POR: variants seen among roughly 807,000 people sequenced by gnomAD.
The protein encoded by POR is NADPH--cytochrome P450 reductase.
POR carries 56 observed loss-of-function variants against 84.0 expected under a neutral mutation model. The ratio of observed to expected loss-of-function variants is 0.67; its 90% CI spans 0.54 to 0.83. POR has a LOEUF of 0.83. Ranked by LOEUF, POR falls within the 40% of genes least tolerant of loss-of-function variation. The pLI is 0.00. For synonymous variants in POR, 414 were observed against 400.5 expected, an observed-to-expected ratio of 1.03 and a Z score of -0.40; for missense variants, 938 against 944.3, an observed-to-expected ratio of 0.99 and a Z score of 0.09.
intron 1 of POR, chr7:75,923,121 G>A (rs1335262221): frequency 4.6e-6 from 4 of 873,208 alleles, no homozygotes; most frequent in Non-Finnish European, 7.6e-6. Context: ...AACCTTATGT[G>A]ACCTGGGGAT....
intron 2 of POR, among the ~76,000 whole-genome samples, chr7:75,963,167 G>T (rs1788019478): frequency 6.6e-6 from 1 of 152,176 alleles, no homozygotes; most frequent in African/African-American, 2.4e-5. Context: ...GCCACATCCA[G>T]TTCAGGGTCA....
At chr7:75,922,544 G>A (rs568807316) in intron 1 of POR, among the ~76,000 whole-genome samples, 5 of 152,172 alleles carry the variant, frequency 3.3e-5, no homozygotes, top group Non-Finnish European at 5.9e-5. Flanking sequence ...AGCTGGTCTC[G>A]AATGCCTGAC....
rs1789095071 is a variant in POR at position 75,982,272 on chromosome 7, G to A, written c.780G>A (p.Lys260=). ...TCCACACCGACATAGATGCGGCCAAGGTGTACATGGGGGAGATGGGCCGGC... is the reference window on the plus strand; with the variant it reads ...TCCACACCGACATAGATGCGGCCAAAGTGTACATGGGGGAGATGGGCCGGC... The change falls in exon 8 of 16, where the codon AAG becomes AAA. Residue 260 remains lysine, a synonymous_variant. Transcript: ENST00000461988. 5 of 1,612,860 alleles carry A rather than the reference G, an allele frequency of 3.1e-6. No individual in the cohort carries two copies. Among genetic ancestry groups the A allele is most frequent in the East Asian group, 2.2e-5 (1 of 44,874 alleles).
intron 1 of POR, among the ~76,000 whole-genome samples, chr7:75,938,146 T>C (rs1554551092): frequency 1.3e-5 from 2 of 152,214 alleles, no homozygotes; most frequent in South Asian, 2.1e-4. Context: ...GCCTTCCTCC[T>C]TTCACGTCAT....
chr7:75,942,655 T>C (rs1412475901), intron 1 of POR, among the ~76,000 whole-genome samples: 2 of 151,890 alleles, frequency 1.3e-5, no homozygotes, highest in African/African-American at 2.4e-5. Context: ...CTCAAAGTTT[T>C]TGTTTTTTTT....
intron 2 of POR, among the ~76,000 whole-genome samples, chr7:75,965,664 G>C (rs1041966845): frequency 6.6e-6 from 1 of 152,184 alleles, no homozygotes; most frequent in South Asian, 2.1e-4. Flanking sequence ...ATTAGCCCTA[G>C]TCCTGGCCAC....
chr7:75,960,408 A>G (rs1787887114), intron 2 of POR, among the ~76,000 whole-genome samples: 1 of 152,134 alleles, frequency 6.6e-6, no homozygotes, highest in Non-Finnish European at 1.5e-5. Flanking sequence ...CTCATGCCCT[A>G]AGGGAGCCCC....
In POR at chr7:75,920,568, T is replaced by C. The variant is rs537348634; in HGVS notation, c.-5+5389T>C. Among the ~76,000 whole-genome samples, 3 of 152,288 alleles carry C rather than the reference T, an allele frequency of 2.0e-5. No homozygotes were observed. In the South Asian group the frequency reaches 6.2e-4, roughly 32 times the overall value. On this transcript the variant is annotated intron_variant, in intron 1 of 15. Transcript: ENST00000461988. ...TCATTCTATTTATCTGCCCTCCTTT[T>C]ATCTTCGGCACTTTTTCCTACAGCC...
intron 4 of POR, chr7:75,979,817 C>A: frequency 1.9e-6 from 1 of 521,488 alleles, no homozygotes; most frequent in Non-Finnish European, 3.3e-6. Context: ...TGGCCCTCCC[C>A]TGAGTGCCGG....
intron 3 of POR, among the ~76,000 whole-genome samples, chr7:75,978,754 C>A (rs782813707): frequency 6.6e-6 from 1 of 151,770 alleles, no homozygotes; most frequent in Non-Finnish European, 1.5e-5. Context: ...GAACTCTCGA[C>A]CTCAAGTCAT....
intron 1 of POR, among the ~76,000 whole-genome samples, chr7:75,926,216 C>T (rs1437730266): frequency 6.6e-6 from 1 of 151,846 alleles, no homozygotes; most frequent in Non-Finnish European, 1.5e-5. Context: ...AGGCCGATCT[C>T]AAACTCCTGG....
At chr7:75,982,378 C>A in intron 8 of POR, 56 bp downstream of exon 8, 1 of 1,390,368 alleles carries the variant, frequency 7.2e-7, no homozygotes, top group East Asian at 2.4e-5. Flanking sequence ...TGGTGCACCC[C>A]AGGCTCAGTC....
intron 1 of POR, among the ~76,000 whole-genome samples, chr7:75,953,306 G>A (rs1360581520): frequency 2.2e-5 from 3 of 133,614 alleles, no homozygotes; most frequent in Admixed American, 7.6e-5. Context: ...GAGGGAGACC[G>A]TGGAAAGAGG....
chr7:75,929,099 A>G (rs1024097315), intron 1 of POR, among the ~76,000 whole-genome samples: 12 of 152,154 alleles, frequency 7.9e-5, no homozygotes, highest in Non-Finnish European at 1.6e-4. Context: ...TTTTATAGAC[A>G]CCGCATGACC....
chr7:75,933,390 T>G (rs1427312276), intron 1 of POR, among the ~76,000 whole-genome samples: 6 of 91,108 alleles, frequency 6.6e-5, no homozygotes, highest in Admixed American at 1.2e-4. Flanking sequence ...TTTTTTTTTT[T>G]TTTTTTTTTT....
intron 1 of POR, among the ~76,000 whole-genome samples, chr7:75,928,096 C>G (rs1807234337): frequency 6.6e-6 from 1 of 151,340 alleles, no homozygotes; most frequent in African/African-American, 2.4e-5. Flanking sequence ...CTCAGCCTCC[C>G]AAGTAGCTGG....
chr7:75,916,284 G>A (rs1190167226), intron 1 of POR, among the ~76,000 whole-genome samples: 3 of 152,172 alleles, frequency 2.0e-5, no homozygotes, highest in African/African-American at 7.2e-5. Flanking sequence ...AACCCTCTGG[G>A]GGATCCAGTA....
chr7:75,942,763 T>C (rs1393640354), intron 1 of POR, among the ~76,000 whole-genome samples: 1 of 151,922 alleles, frequency 6.6e-6, no homozygotes, highest in Admixed American at 6.6e-5. Context: ...ACATTACTTG[T>C]GATTCATACA....
intron 1 of POR, among the ~76,000 whole-genome samples, chr7:75,953,277 C>A (rs1787532395): frequency 7.6e-6 from 1 of 130,746 alleles, no homozygotes. Flanking sequence ...CAGTACAGTC[C>A]AGCTTCGGCT....
Sources: gnomAD v4.1 joint callset for allele counts (sites outside exome capture counted in the v4.1 genomes callset) on GRCh38, gnomAD v4.1.1 for gene constraint, MANE v1.5 for transcripts, NCBI Gene and HGNC (gene_info 2026-07-23, HGNC 2026-07-21) for gene names.